The following PTPRT variants were observed in gnomAD, a reference collection of about 807,000 sequenced individuals.
PTPRT encodes receptor-type tyrosine-protein phosphatase T.
In PTPRT, 56 loss-of-function variants were observed where a neutral mutation model predicts 176.8. The ratio of observed to expected loss-of-function variants is 0.32; its 90% CI spans 0.26 to 0.40. PTPRT has a LOEUF of 0.40. Among genes scored for constraint, PTPRT ranks in the 10% least tolerant of loss-of-function variants. The pLI, the probability that PTPRT is intolerant of heterozygous loss-of-function variation, is 1.00. For synonymous variants in PTPRT, 783 were observed against 739.0 expected (o/e 1.06, Z -0.96); for missense variants, 1,540 against 1,908.2 (o/e 0.81, Z 3.60).
intron 16 of PTPRT, among the ~76,000 whole-genome samples, chr20:42,177,637 T>C (rs927527072): frequency 2.0e-5 from 3 of 152,158 alleles, no homozygotes; most frequent in Admixed American, 6.5e-5. Flanking sequence ...TCAAAGAACA[T>C]ACTAAATATA....
At chr20:42,403,667 A>G (rs2058932393) in intron 9 of PTPRT, among the ~76,000 whole-genome samples, 1 of 152,156 alleles carries the variant, frequency 6.6e-6, no homozygotes, top group Non-Finnish European at 1.5e-5. Flanking sequence ...AACCCTCTTC[A>G]ATGACCAGAT....
At chr20:42,168,818 A>G (rs1413850812) in intron 16 of PTPRT, among the ~76,000 whole-genome samples, 1 of 152,218 alleles carries the variant, frequency 6.6e-6, no homozygotes, top group Non-Finnish European at 1.5e-5. Context: ...TTGCACTAGC[A>G]TAGGTGTATG....
chr20:42,374,929 A>T (rs892266520), intron 9 of PTPRT, among the ~76,000 whole-genome samples: 1 of 152,230 alleles, frequency 6.6e-6, no homozygotes, highest in Admixed American at 6.5e-5. Context: ...ATAACCAAAA[A>T]CAAAATTATA....
intron 12 of PTPRT, among the ~76,000 whole-genome samples, chr20:42,284,667 G>T (rs1183599180): frequency 1.3e-5 from 2 of 151,986 alleles, no homozygotes; most frequent in Non-Finnish European, 2.9e-5. Context: ...TTTAGACACT[G>T]ATACTCTGTC....
chr20:42,606,265 TAC>T (rs916124340), intron 7 of PTPRT, among the ~76,000 whole-genome samples: 4 of 152,010 alleles, frequency 2.6e-5, no homozygotes, highest in African/African-American at 9.7e-5. Context: ...GGGAGACATG[TAC>T]ACACACACAG....
chr20:42,449,487 T>G (rs955377452), intron 8 of PTPRT, among the ~76,000 whole-genome samples: 1 of 152,212 alleles, frequency 6.6e-6, no homozygotes, highest in African/African-American at 2.4e-5. Context: ...TCTATTTATA[T>G]TTTGGTATTA....
chr20:42,957,160 T>C (rs1414471006), intron 1 of PTPRT, among the ~76,000 whole-genome samples: 1 of 152,162 alleles, frequency 6.6e-6, no homozygotes, highest in East Asian at 1.9e-4. Context: ...CCCCAGCTCA[T>C]TTGATAGGGA....
chr20:42,426,425 T>C (rs2059164575), intron 9 of PTPRT, among the ~76,000 whole-genome samples: 1 of 152,072 alleles, frequency 6.6e-6, no homozygotes, highest in Non-Finnish European at 1.5e-5. Flanking sequence ...CTCCATCCCC[T>C]TTCCACCTCC....
chr20:42,273,462 G>A lies in PTPRT; in HGVS notation c.2176+9027C>T, dbSNP rs973046221. On this transcript the variant is annotated intron_variant, in intron 13 of 30. Transcript: ENST00000373187. ...ACTCCTGTCCTCAGGTGATCCACCC[G>A]CCTCAGCCTCCCAAAGTGCTGGAAT... 1.3e-4 allele frequency among the ~76,000 whole-genome samples: 20 copies of A among 152,250 alleles called. 1 individual carries two copies. Among genetic ancestry groups the A allele is most frequent in the Non-Finnish European group, 2.6e-4 (18 of 68,008 alleles).
chr20:42,589,068 A>T (rs2073523239), intron 7 of PTPRT, among the ~76,000 whole-genome samples: 1 of 152,198 alleles, frequency 6.6e-6, no homozygotes, highest in Non-Finnish European at 1.5e-5. Context: ...GCTTCCTACA[A>T]ATGAGTCACC....
In PTPRT at chr20:42,448,546, G is replaced by A. The variant is rs563391002; in HGVS notation, c.1451-217C>T. Among the ~76,000 whole-genome samples, 13 of 152,234 alleles carry A rather than the reference G, an allele frequency of 8.5e-5. No individual in the cohort carries two copies. In the South Asian group the frequency reaches 1.7e-3, roughly 19 times the overall value. On this transcript the variant is annotated intron_variant, in intron 8 of 30. Transcript: ENST00000373187. ...TCCATAAATGAATGAGTACGGTGGC[G>A]TTCCAATAAAACTTTATTTATGAAA...
At position 42,556,780 on chromosome 20, in the gene PTPRT, A is replaced by T. The variant is rs188913346; in HGVS notation, c.1154-84218T>A. 2.2e-3 allele frequency among the ~76,000 whole-genome samples: 337 copies of T among 152,256 alleles called. 1 individual carries two copies. The highest frequency in any genetic ancestry group is 7.7e-3 in the African/African-American group (322 of 41,560). ...CACATTGCACAATGTTGTTAGTTTA[A>T]AGAAGTTCAATGAACATTATTGCTT... On this transcript the variant is annotated intron_variant, in intron 7 of 30. Coordinates refer to ENST00000373187, the MANE Select transcript of PTPRT (RefSeq NM_007050.6).
intron 11 of PTPRT, among the ~76,000 whole-genome samples, chr20:42,348,914 GAT>G (rs1284066172): frequency 2.4e-4 from 37 of 152,064 alleles, no homozygotes; most frequent in Non-Finnish European, 1.3e-4. Flanking sequence ...TGAGTCTTAC[GAT>G]ATATAAGCTT....
chr20:42,867,390 A>AT (rs761289845), intron 2 of PTPRT, among the ~76,000 whole-genome samples: 2,230 of 102,168 alleles, frequency 0.022, 97 homozygotes, highest in African/African-American at 0.043. Context: ...AAGAACACAG[A>AT]TTTTTTTTTT....
chr20:43,165,265 T>C (rs1352741627), intron 1 of PTPRT, among the ~76,000 whole-genome samples: 1 of 151,960 alleles, frequency 6.6e-6, no homozygotes. Context: ...TTCAAGTGAT[T>C]CTCCTGCCTC....
At chr20:43,083,240 T>C (rs967491386) in intron 1 of PTPRT, among the ~76,000 whole-genome samples, 5 of 148,158 alleles carry the variant, frequency 3.4e-5, no homozygotes. Flanking sequence ...TTATTTAGAA[T>C]ACTGATTCTA....
intron 15 of PTPRT, among the ~76,000 whole-genome samples, chr20:42,217,753 G>C (rs1031339976): frequency 1.3e-5 from 2 of 152,168 alleles, no homozygotes; most frequent in Admixed American, 1.3e-4. Flanking sequence ...TCCCAGGCAT[G>C]TCAATAAAAA....
At chr20:42,665,506 T>C (rs1459541593) in intron 7 of PTPRT, among the ~76,000 whole-genome samples, 3 of 151,950 alleles carry the variant, frequency 2.0e-5, no homozygotes, top group Non-Finnish European at 2.9e-5. Flanking sequence ...GACTGTAAAC[T>C]AGTTCAACCA....
intron 9 of PTPRT, among the ~76,000 whole-genome samples, chr20:42,433,751 T>C (rs368382051): frequency 6.6e-6 from 1 of 152,230 alleles, no homozygotes; most frequent in African/African-American, 2.4e-5. Context: ...CCATGTCTAC[T>C]GAACATAGTG....
Sources: allele counts gnomAD v4.1 joint callset (sites outside exome capture counted in the v4.1 genomes callset), GRCh38; gene constraint gnomAD v4.1.1; transcripts MANE v1.5; gene names NCBI Gene and HGNC (gene_info 2026-07-23, HGNC 2026-07-21).